The following TBC1D10C variants were observed in gnomAD, a reference collection of about 807,000 sequenced individuals.
TBC1D10C encodes TBC1 domain family member 10C.
TBC1D10C carries 49 observed loss-of-function variants against 51.0 expected under a neutral mutation model. That is an observed-to-expected ratio of 0.96 (90% CI 0.76 to 1.22). The LOEUF is 1.22. Among genes scored for constraint, TBC1D10C ranks in the 50% most tolerant of loss-of-function variants. The pLI is 0.00. For missense variants in TBC1D10C, 541 were observed against 617.5 expected, an observed-to-expected ratio of 0.88 and a Z score of 1.31; for synonymous variants, 281 against 266.7, an observed-to-expected ratio of 1.05 and a Z score of -0.52.
At chr11:67,404,899 C>CGGA in intron 1 of TBC1D10C, 186 bp from the exon 2 acceptor site, 1 of 586,460 alleles carries the variant, frequency 1.7e-6, no homozygotes, top group South Asian at 2.2e-5. Flanking sequence ...CTGCCCACGT[C>CGGA]GGAGCCACAT....
chr11:67,405,836 G>A (rs1010636372), intron 4 of TBC1D10C, 67 bp from the exon 5 acceptor site: 1 of 1,541,410 alleles, frequency 6.5e-7, no homozygotes, highest in African/African-American at 1.4e-5. Context: ...GGCCTGGGCA[G>A]AGGCCCCCAG....
Position 67,406,023 on chromosome 11 carries a change from T to G in TBC1D10C, c.582+6T>G, listed in dbSNP as rs1182398535. 6.4e-7 allele frequency: 1 copy of G among 1,562,756 alleles called. No homozygotes were observed. Among genetic ancestry groups the G allele is most frequent in the Non-Finnish European group, 8.6e-7 (1 of 1,158,354 alleles). On this transcript the variant is annotated splice_donor_region_variant and intron_variant, in intron 5 of 8. Transcript: ENST00000542590. ...TCATGCACCTGCCCCCAGAGGTGAGTGACCTTGACCCTGCTCTGGGAACCC... is the reference window on the plus strand; with the variant it reads ...TCATGCACCTGCCCCCAGAGGTGAGGGACCTTGACCCTGCTCTGGGAACCC...
chr11:67,409,651 G>A lies in TBC1D10C; in HGVS notation c.1238G>A (p.Gly413Asp), dbSNP rs747936109. The change falls in exon 9 of 9, where the codon GGC becomes GAC. Residue 413 changes from glycine (G) to aspartate (D), a missense_variant. Transcript: ENST00000542590. ...CCGCGGCGGAAACCCCAGACCCGCG[G>A]CAAGACTTTCCATGGGCTCCTGACT... ...RPPRRKPQTR[G>D]KTFHGLLTRA... 5.9e-5 allele frequency: 94 copies of A among 1,601,240 alleles called. No homozygotes were observed. Among genetic ancestry groups the A allele is most frequent in the Non-Finnish European group, 6.8e-5 (80 of 1,176,982 alleles).
intron 5 of TBC1D10C, chr11:67,406,267 G>C: frequency 2.0e-6 from 1 of 512,532 alleles, no homozygotes; most frequent in Non-Finnish European, 3.4e-6. Context: ...TTGACCCCAC[G>C]ACTCCTGATT....
At chr11:67,405,879 C>G (rs1043196726) in intron 4 of TBC1D10C, 24 bp from the exon 5 acceptor site, 3 of 1,571,794 alleles carry the variant, frequency 1.9e-6, no homozygotes, top group Admixed American at 3.8e-5. Flanking sequence ...CAGGACTGGC[C>G]CCTTATGGGG....
rs367558435 is a variant in TBC1D10C at position 67,404,313 on chromosome 11, C to T, written c.111C>T (p.Ala37=). Residue 37 remains alanine, a synonymous_variant, in exon 1 of 9, where the codon GCC becomes GCT. Transcript: ENST00000542590. The part of the protein sequence containing the change: ...ELSGPGPYRQ[A]DRYGFIGGSS... ...GCGGGCCTGGCCCATATCGCCAGGC[C>T]GACCGCTATGGATTCATTGGGGGCA... 141 of 1,598,230 alleles carry T rather than the reference C, an allele frequency of 8.8e-5. No homozygotes were observed. Among genetic ancestry groups the T allele is most frequent in the African/African-American group, 1.1e-4 (8 of 74,064 alleles).
At chr11:67,406,481 G>A in intron 5 of TBC1D10C, 146 bp from the exon 6 acceptor site, 1 of 704,568 alleles carries the variant, frequency 1.4e-6, no homozygotes, top group Non-Finnish European at 2.4e-6. Flanking sequence ...GGGCTTCCAG[G>A]AACTGCGCAG....
At position 67,405,646 on chromosome 11, in the gene TBC1D10C, G is replaced by A; in HGVS notation, c.412G>A (p.Asp138Asn). The change falls in exon 4 of 9, where the codon GAC becomes AAC. Residue 138 changes from aspartate to asparagine, a missense_variant. Transcript: ENST00000542590. ...ACAGTGGATGGAGACCATTGGCAGG[G>A]ACCTGCACCGTCAATTCCCTCTGCA... ...DPQWMETIGR[D>N]LHRQFPLHEM... is the part of the protein sequence containing the mutation. 6.2e-7 allele frequency: 1 copy of A among 1,613,876 alleles called. No individual in the cohort carries two copies. The highest frequency in any genetic ancestry group is 8.5e-7 in the Non-Finnish European group (1 of 1,180,002).
intron 8 of TBC1D10C, 112 bp from the exon 9 acceptor site, chr11:67,409,295 C>G: frequency 7.2e-7 from 1 of 1,391,280 alleles, no homozygotes; most frequent in South Asian, 1.5e-5. Flanking sequence ...CTGTGGCTCC[C>G]CAGTGAGGCT....
rs1863376045 is a variant in TBC1D10C, at chr11:67,409,763, T to C, written c.*9T>C. On this transcript the variant is annotated 3_prime_UTR_variant, in exon 9 of 9. Transcript: ENST00000542590. ...TGGACACCCGCTTCTGAGAGGACCATGGACTTAGTGTCCCCCAGTCTCAAT... is the reference window on the plus strand; with the variant it reads ...TGGACACCCGCTTCTGAGAGGACCACGGACTTAGTGTCCCCCAGTCTCAAT... 5 of 1,567,556 alleles carry C rather than the reference T, an allele frequency of 3.2e-6. No individual in the cohort carries two copies. The highest frequency in any genetic ancestry group is 1.9e-5 in the Admixed American group (1 of 51,776).
chr11:67,404,006 G>A (rs141014734), upstream of TBC1D10C: 20 of 583,202 alleles, frequency 3.4e-5, no homozygotes, highest in East Asian at 6.9e-5. Flanking sequence ...CTGGGTCTCC[G>A]GACAGAGGCC....
At position 67,405,921 on chromosome 11, in the gene TBC1D10C, G is replaced by A. The variant is rs1219738113; in HGVS notation, c.486G>A (p.Gln162=). 1.3e-6 allele frequency: 2 copies of A among 1,598,584 alleles called. No homozygotes were observed. Among genetic ancestry groups the A allele is most frequent in the Non-Finnish European group, 1.7e-6 (2 of 1,173,594 alleles). Residue 162 remains glutamine, a synonymous_variant, in exon 5 of 9, where the codon CAG becomes CAA. Transcript: ENST00000542590. ...PQGHGQQGLL[Q]VLKAYTLYRP... Reference sequence around the variant, plus strand: ...GGCACAGGCAGCAGGGGCTCCTGCAGGTGCTCAAGGCCTACACCCTGTATC... The same window carrying A: ...GGCACAGGCAGCAGGGGCTCCTGCAAGTGCTCAAGGCCTACACCCTGTATC...
In TBC1D10C at chr11:67,406,836, C is replaced by A; in HGVS notation, c.658C>A (p.Arg220=). 1 of 1,607,582 alleles carries A rather than the reference C, an allele frequency of 6.2e-7. No homozygotes were observed. The highest frequency in any genetic ancestry group is 8.5e-7 in the Non-Finnish European group (1 of 1,177,770). ...GYYGPHMEAV[R]LDAEVFMALL... ...ATGGACGTGGCCACAGGAGGCTGTG[C>A]GGCTGGACGCCGAGGTGTTCATGGC... The change falls in exon 7 of 9, where the codon CGG becomes AGG. Residue 220 remains arginine (R), a synonymous_variant. Transcript: ENST00000542590.
In TBC1D10C at chr11:67,404,137, G is replaced by A. The variant is rs117269069; in HGVS notation, c.-66G>A. 5.2e-3 allele frequency: 7,292 copies of A among 1,398,152 alleles called. 26 individuals are homozygous for A. Among genetic ancestry groups the A allele is most frequent in the Non-Finnish European group, 6.3e-3 (6,792 of 1,074,126 alleles). The allele number at this position is 1,398,152 out of a possible 1,614,324, so 86.6% of individuals were successfully genotyped here. ...CCCGCAGCCAGGCCCCAGGCTGGCC[G>A]GGAGTGGCCCCTCACACTGGTTCTC... On this transcript the variant is annotated 5_prime_UTR_variant, in exon 1 of 9. Transcript: ENST00000542590.
chr11:67,406,136 C>T, intron 5 of TBC1D10C, 119 bp downstream of exon 5: 1 of 840,658 alleles, frequency 1.2e-6, no homozygotes, highest in South Asian at 2.0e-5. Context: ...GTCCTAGTGA[C>T]CCAGGTCCTC....
chr11:67,409,668 C>G lies in TBC1D10C; in HGVS notation c.1255C>G (p.Leu419Val). 6.2e-7 allele frequency: 1 copy of G among 1,602,526 alleles called. No individual in the cohort carries two copies. Among genetic ancestry groups the G allele is most frequent in the East Asian group, 2.2e-5 (1 of 44,796 alleles). The change falls in exon 9 of 9, where the codon CTC (leucine) becomes GTC (valine). Residue 419 changes from leucine (L) to valine (V), a missense_variant. Physicochemically the swap from Leu to Val is conservative, Grantham distance 32. Coordinates refer to ENST00000542590, the MANE Select transcript of TBC1D10C (RefSeq NM_001369496.1). ...PQTRGKTFHG[L>V]LTRARGPPIE... is the part of the protein sequence containing the mutation. ...GACCCGCGGCAAGACTTTCCATGGG[C>G]TCCTGACTCGGGCCCGGGGCCCCCC...
At chr11:67,406,754 T>C (rs1434249550) in intron 6 of TBC1D10C, 62 bp downstream of exon 6, 22 of 1,594,956 alleles carry the variant, frequency 1.4e-5, no homozygotes, top group African/African-American at 2.7e-5. Flanking sequence ...TGGGTGGGGG[T>C]CTGGGGACTG....
chr11:67,407,302 C>T (rs1441778083), intron 7 of TBC1D10C: 4 of 384,502 alleles, frequency 1.0e-5, no homozygotes, highest in Non-Finnish European at 1.9e-5. Flanking sequence ...CGTTCCTCCC[C>T]AGAGCCCGCA....
At position 67,409,687 on chromosome 11, in the gene TBC1D10C, GCCC is replaced by G; in HGVS notation, c.1279_1281del (p.Pro427del). 6.3e-7 allele frequency: 1 copy of G among 1,596,996 alleles called. No homozygotes were observed. Among genetic ancestry groups the G allele is most frequent in the Non-Finnish European group, 8.5e-7 (1 of 1,177,782 alleles). On this transcript the variant is annotated inframe_deletion, in exon 9 of 9. Transcript: ENST00000542590. ...CATGGGCTCCTGACTCGGGCCCGGG[GCCC>G]CCCCATCGAGGGGCCCCCCAGGCCC...
Sources: gnomAD v4.1 joint callset for allele counts on GRCh38, gnomAD v4.1.1 for gene constraint, MANE v1.5 for transcripts, NCBI Gene and HGNC (gene_info 2026-07-23, HGNC 2026-07-21) for gene names.